The following PPM1L variants were observed in gnomAD, a reference collection of about 807,000 sequenced individuals.
PPM1L encodes the protein protein phosphatase, Mg2+/Mn2+ dependent 1L.
PPM1L carries 13 observed loss-of-function variants against 31.4 expected under a neutral mutation model. The ratio of observed to expected loss-of-function variants is 0.41; its 90% confidence interval spans 0.27 to 0.66. PPM1L has a LOEUF of 0.66. PPM1L is among the 30% of genes least tolerant of loss of function. The pLI, the probability that PPM1L is intolerant of heterozygous loss-of-function variation, is 0.29. For synonymous variants in PPM1L, 184 were observed against 175.4 expected (o/e 1.05, Z -0.39); for missense variants, 326 against 453.7 (o/e 0.72, Z 2.56).
chr3:160,854,613 CACACAT>C (rs1281897887), intron 1 of PPM1L, among the ~76,000 whole-genome samples: 2 of 151,980 alleles, frequency 1.3e-5, no homozygotes, highest in East Asian at 3.9e-4. Context: ...TACACACACA[CACACAT>C]ACACACACAT....
At chr3:160,973,798 A>T in intron 2 of PPM1L, among the ~76,000 whole-genome samples, 1 of 74,050 alleles carries the variant, frequency 1.4e-5, no homozygotes, top group Non-Finnish European at 3.8e-5. Context: ...TTTTTTAACC[A>T]AGACTTGTCT....
chr3:160,796,018 A>G (rs1487631536), intron 1 of PPM1L, among the ~76,000 whole-genome samples: 1 of 152,182 alleles, frequency 6.6e-6, no homozygotes, highest in Non-Finnish European at 1.5e-5. Flanking sequence ...GAATCATGGA[A>G]CCAACCAGCA....
chr3:160,953,912 A>G (rs1409290891), intron 1 of PPM1L, among the ~76,000 whole-genome samples: 2 of 151,964 alleles, frequency 1.3e-5, no homozygotes, highest in Non-Finnish European at 2.9e-5. Context: ...TTTCTTTCCC[A>G]TCTGTTGGGA....
intron 1 of PPM1L, among the ~76,000 whole-genome samples, chr3:160,875,895 T>A (rs1712491210): frequency 6.6e-6 from 1 of 152,210 alleles, no homozygotes; most frequent in Non-Finnish European, 1.5e-5. Context: ...TGTCCTGGAT[T>A]ATCCTTAAGA....
chr3:160,803,282 C>T (rs1306516698), intron 1 of PPM1L, among the ~76,000 whole-genome samples: 2 of 152,228 alleles, frequency 1.3e-5, no homozygotes, highest in Admixed American at 6.5e-5. Context: ...CAGGACCATC[C>T]TTATTCCAGC....
chr3:160,959,344 A>C (rs1482571962), intron 1 of PPM1L, among the ~76,000 whole-genome samples: 3 of 152,206 alleles, frequency 2.0e-5, no homozygotes, highest in Non-Finnish European at 4.4e-5. Flanking sequence ...TATTGGGTAC[A>C]GTGTACACTG....
chr3:161,018,735 T>A (rs990691530), intron 2 of PPM1L, among the ~76,000 whole-genome samples: 15 of 152,152 alleles, frequency 9.9e-5, no homozygotes, highest in African/African-American at 3.4e-4. Flanking sequence ...CAGAAAAAAT[T>A]TTGAGAAAAC....
At chr3:161,064,369 A>G (rs917766551) in intron 2 of PPM1L, among the ~76,000 whole-genome samples, 4 of 142,148 alleles carry the variant, frequency 2.8e-5, no homozygotes, top group Middle Eastern at 3.6e-3. Flanking sequence ...CCTATCTCTT[A>G]AAAAAAGAAA....
chr3:160,939,108 TAGAG>T (rs529729718), intron 1 of PPM1L, among the ~76,000 whole-genome samples: 353 of 152,274 alleles, frequency 2.3e-3, no homozygotes, highest in African/African-American at 8.3e-3. Context: ...GTTCAACATA[TAGAG>T]AGTTTTCAAT....
rs1720126315 is a variant in PPM1L, at chr3:161,077,076, A to G, written c.*7919A>G. 6.6e-6 allele frequency: 1 copy of G among 152,170 alleles called. No homozygotes were observed. Among genetic ancestry groups the G allele is most frequent in the Non-Finnish European group, 1.5e-5 (1 of 68,036 alleles). 9.4% of individuals were successfully genotyped at this position (152,170 alleles called of 1,614,324 possible). A position where few individuals can be genotyped will look rare whatever the true frequency, so the allele number is the denominator to read the frequency against. ...CCATCACTGCCTTCTTGGGGCTTAC[A>G]CCCTATTGGGGTGTCAGAGATATTA... is the stretch of plus-strand genomic sequence containing the variant. On this transcript the variant is annotated 3_prime_UTR_variant, in exon 4 of 4. Transcript: ENST00000498165.
chr3:160,949,509 G>C (rs1010403713), intron 1 of PPM1L, among the ~76,000 whole-genome samples: 7 of 152,164 alleles, frequency 4.6e-5, no homozygotes, highest in Non-Finnish European at 8.8e-5. Context: ...TATGGCAGAA[G>C]AGAGGCAAAT....
chr3:160,843,314 G>A (rs758896661), intron 1 of PPM1L, among the ~76,000 whole-genome samples: 6 of 150,312 alleles, frequency 4.0e-5, no homozygotes, highest in African/African-American at 4.9e-5. Flanking sequence ...TGTCCAACCC[G>A]CGGTCCATGT....
At chr3:160,867,859 A>G (rs548719285) in intron 1 of PPM1L, among the ~76,000 whole-genome samples, 2 of 152,296 alleles carry the variant, frequency 1.3e-5, no homozygotes, top group South Asian at 4.1e-4. Context: ...ATTCCAGGAC[A>G]GACTGTCTAT....
At chr3:160,835,338 T>A (rs985045990) in intron 1 of PPM1L, among the ~76,000 whole-genome samples, 1 of 151,966 alleles carries the variant, frequency 6.6e-6, no homozygotes, top group African/African-American at 2.4e-5. Context: ...TTTTCAGTAT[T>A]CTCTAAAGTG....
chr3:161,049,442 C>T (rs112625157), intron 2 of PPM1L, among the ~76,000 whole-genome samples: 1 of 152,106 alleles, frequency 6.6e-6, no homozygotes, highest in African/African-American at 2.4e-5. Context: ...TTTAAAGAAT[C>T]CTTAAATAAA....
intron 1 of PPM1L, among the ~76,000 whole-genome samples, chr3:160,811,666 A>G (rs144659809): frequency 6.6e-6 from 1 of 152,218 alleles, no homozygotes; most frequent in Admixed American, 6.5e-5. Flanking sequence ...TGGAAAAGGT[A>G]TGGGCTTGAG....
intron 1 of PPM1L, among the ~76,000 whole-genome samples, chr3:160,780,084 G>T (rs1037162743): frequency 6.6e-6 from 1 of 151,792 alleles, no homozygotes; most frequent in East Asian, 1.9e-4. Flanking sequence ...GATAACAGTG[G>T]CATGATCACT....
intron 2 of PPM1L, among the ~76,000 whole-genome samples, chr3:160,977,788 C>G (rs564315914): frequency 2.6e-5 from 4 of 152,254 alleles, no homozygotes; most frequent in Non-Finnish European, 5.9e-5. Context: ...CCAATTTCTC[C>G]TAAGCTTTCT....
intron 1 of PPM1L, among the ~76,000 whole-genome samples, chr3:160,867,266 T>C (rs912051112): frequency 3.9e-5 from 6 of 151,924 alleles, no homozygotes; most frequent in Non-Finnish European, 7.4e-5. Context: ...TTAGTTGATT[T>C]AACAGGAATC....
Sources: allele counts gnomAD v4.1 joint callset (sites outside exome capture counted in the v4.1 genomes callset), GRCh38; gene constraint gnomAD v4.1.1; transcripts MANE v1.5; gene names NCBI Gene and HGNC (gene_info 2026-07-23, HGNC 2026-07-21).